Variants in CDH20 observed in about 807,000 individuals in gnomAD.
CDH20 encodes cadherin-20.
Under a neutral mutation model 74.2 loss-of-function variants are expected in CDH20, and 29 were observed. That is an observed-to-expected ratio of 0.39 (90% confidence interval 0.29 to 0.53). CDH20 has a LOEUF of 0.53. CDH20 is among the 20% of genes least tolerant of loss of function. CDH20 has a pLI of 0.69. For synonymous variants in CDH20, 469 were observed against 405.4 expected, an observed-to-expected ratio of 1.16 and a Z score of -1.88; for missense variants, 988 against 1,048.3, an observed-to-expected ratio of 0.94 and a Z score of 0.79.
intron 1 of CDH20, among the ~76,000 whole-genome samples, chr18:61,348,284 C>T (rs10513877): frequency 6.6e-6 from 1 of 152,094 alleles, no homozygotes; most frequent in Admixed American, 6.5e-5. Flanking sequence ...TGATCCTTTT[C>T]CCAAAAGATG....
At chr18:61,389,538 G>C (rs556432494) in intron 1 of CDH20, among the ~76,000 whole-genome samples, 7 of 152,260 alleles carry the variant, frequency 4.6e-5, no homozygotes, top group Admixed American at 1.3e-4. Flanking sequence ...TAAATATTAA[G>C]TGTCATATAT....
Position 61,403,156 on chromosome 18 carries a change from G to C in CDH20, c.-153+69329G>C, listed in dbSNP as rs868660800. The stretch of plus-strand genomic sequence containing the variant: ...CCTCCTGGCCATCAATTTTGGCTTA[G>C]AGAAAGGGAAACAATTATGAACTCA... On this transcript the variant is annotated intron_variant, in intron 1 of 11. Transcript: ENST00000262717. Among the ~76,000 whole-genome samples the C allele has an allele frequency of 5.6e-4, 86 of 152,268 alleles. 2 individuals are homozygous for C. The highest frequency in any genetic ancestry group is 1.7e-3 in the African/African-American group (69 of 41,572).
chr18:61,335,021 G>A (rs1020156441), intron 1 of CDH20, among the ~76,000 whole-genome samples: 3 of 151,948 alleles, frequency 2.0e-5, no homozygotes, highest in Non-Finnish European at 2.9e-5. Flanking sequence ...GTGCTGTCAG[G>A]GACTCAGCTA....
intron 1 of CDH20, among the ~76,000 whole-genome samples, chr18:61,482,697 G>C (rs1240928378): frequency 1.3e-5 from 2 of 151,930 alleles, no homozygotes; most frequent in African/African-American, 4.8e-5. Flanking sequence ...GTCTTGCCCT[G>C]TTGCCCAGGC....
chr18:61,341,788 T>G (rs966550900), intron 1 of CDH20, among the ~76,000 whole-genome samples: 47 of 152,228 alleles, frequency 3.1e-4, no homozygotes, highest in African/African-American at 1.1e-3. Context: ...ACTTTTGTGC[T>G]ACCATTAATA....
chr18:61,449,535 T>C (rs1184699139), intron 1 of CDH20, among the ~76,000 whole-genome samples: 1 of 152,108 alleles, frequency 6.6e-6, no homozygotes, highest in African/African-American at 2.4e-5. Flanking sequence ...CAGAATAATA[T>C]ATTGTCCAAG....
intron 7 of CDH20, among the ~76,000 whole-genome samples, chr18:61,534,528 C>T (rs1599152888): frequency 6.6e-6 from 1 of 152,308 alleles, no homozygotes; most frequent in East Asian, 1.9e-4. Context: ...CATACATACA[C>T]AATGGAATAT....
chr18:61,503,791 A>G (rs1038566617), intron 5 of CDH20, among the ~76,000 whole-genome samples: 1 of 152,226 alleles, frequency 6.6e-6, no homozygotes, highest in African/African-American at 2.4e-5. Flanking sequence ...TGATGCCTTC[A>G]CACAAACTGA....
At chr18:61,414,882 A>G (rs1193397043) in intron 1 of CDH20, among the ~76,000 whole-genome samples, 1 of 152,078 alleles carries the variant, frequency 6.6e-6, no homozygotes, top group Non-Finnish European at 1.5e-5. Context: ...TTGTGGCATT[A>G]AGTACATTTT....
intron 1 of CDH20, among the ~76,000 whole-genome samples, chr18:61,415,523 C>T (rs1187993021): frequency 6.6e-6 from 1 of 151,952 alleles, no homozygotes; most frequent in East Asian, 1.9e-4. Context: ...TCTTTTGTGC[C>T]CCTAGAAATG....
intron 1 of CDH20, among the ~76,000 whole-genome samples, chr18:61,372,173 G>A (rs768222574): frequency 3.9e-5 from 6 of 151,994 alleles, no homozygotes; most frequent in Non-Finnish European, 7.4e-5. Context: ...GAAATAATGG[G>A]TACTATACTA....
chr18:61,414,721 T>C (rs1807269470), intron 1 of CDH20, among the ~76,000 whole-genome samples: 1 of 152,056 alleles, frequency 6.6e-6, no homozygotes, highest in Non-Finnish European at 1.5e-5. Flanking sequence ...AATTTAAGTT[T>C]TAATTTGATT....
chr18:61,495,575 G>T (rs1029984741), intron 2 of CDH20, among the ~76,000 whole-genome samples: 1 of 152,140 alleles, frequency 6.6e-6, no homozygotes, highest in Non-Finnish European at 1.5e-5. Context: ...AGAGGTCTGA[G>T]TCCCAGGGAA....
intron 1 of CDH20, among the ~76,000 whole-genome samples, chr18:61,339,029 A>T (rs1909848288): frequency 6.6e-6 from 1 of 152,154 alleles, no homozygotes; most frequent in African/African-American, 2.4e-5. Context: ...TAAATATTTG[A>T]ATGGTTCTTG....
chr18:61,526,399 T>C lies in CDH20; in HGVS notation c.1018-1568T>C, dbSNP rs377415142. On this transcript the variant is annotated intron_variant, in intron 6 of 11. Coordinates refer to ENST00000262717, the MANE Select transcript of CDH20 (RefSeq NM_031891.4). ...TTTTTCTGAAAAGCCAAGCAGTTGT[T>C]TAAATGGGTACATGCCTCTCTCTAA... Among the ~76,000 whole-genome samples, 13 of 152,266 alleles carry C rather than the reference T, an allele frequency of 8.5e-5. 2 individuals are homozygous for C. The highest frequency in any genetic ancestry group is 7.2e-4 in the Admixed American group (11 of 15,292).
At chr18:61,409,261 A>C (rs939670692) in intron 1 of CDH20, among the ~76,000 whole-genome samples, 2 of 152,184 alleles carry the variant, frequency 1.3e-5, no homozygotes, top group Non-Finnish European at 2.9e-5. Flanking sequence ...GGAGGTCCCC[A>C]CAGTGCTTCT....
intron 1 of CDH20, among the ~76,000 whole-genome samples, chr18:61,338,841 G>C (rs2144084717): frequency 6.6e-6 from 1 of 152,232 alleles, no homozygotes; most frequent in South Asian, 2.1e-4. Flanking sequence ...GAGTAAAGAG[G>C]TATCTTGCAT....
intron 1 of CDH20, among the ~76,000 whole-genome samples, chr18:61,469,533 C>G (rs943251685): frequency 6.6e-6 from 1 of 152,198 alleles, no homozygotes; most frequent in Non-Finnish European, 1.5e-5. Flanking sequence ...TCTCCTCTCC[C>G]CTCTCAACCA....
chr18:61,538,774 A>G (rs1912922711), intron 8 of CDH20, among the ~76,000 whole-genome samples: 1 of 149,940 alleles, frequency 6.7e-6, no homozygotes, highest in Admixed American at 6.6e-5. Context: ...GCCCGCCACC[A>G]CGCCTGGCTA....
Sources: gnomAD v4.1 joint callset for allele counts (sites outside exome capture counted in the v4.1 genomes callset) on GRCh38, gnomAD v4.1.1 for gene constraint, MANE v1.5 for transcripts, NCBI Gene and HGNC (gene_info 2026-07-23, HGNC 2026-07-21) for gene names.